The following PTPRD variants were observed in gnomAD, a reference collection of about 807,000 sequenced individuals.
PTPRD encodes the protein protein tyrosine phosphatase receptor type D, also known as receptor-type tyrosine-protein phosphatase delta.
A neutral mutation model predicts 214.5 loss-of-function variants in PTPRD; 34 were observed. That is an observed-to-expected ratio of 0.16 (90% CI 0.12 to 0.21). PTPRD has a LOEUF of 0.21. PTPRD is among the 10% of genes least tolerant of loss of function. The pLI is 1.00. For missense variants in PTPRD, 2,545 were observed against 2,398.7 expected (o/e 1.06, Z -1.27); for synonymous variants, 1,128 against 845.7 (o/e 1.33, Z -5.79).
At chr9:9,597,431 A>C (rs2093435874) in intron 7 of PTPRD, among the ~76,000 whole-genome samples, 2 of 152,208 alleles carry the variant, frequency 1.3e-5, no homozygotes, top group South Asian at 4.1e-4. Flanking sequence ...TCCACAGATA[A>C]GTCATTAAGC....
chr9:9,492,797 C>T lies in PTPRD; in HGVS notation c.-237+81935G>A, dbSNP rs567575607. Among the ~76,000 whole-genome samples, 7 of 151,090 alleles carry T rather than the reference C, an allele frequency of 4.6e-5. No individual in the cohort carries two copies. In the South Asian group the frequency reaches 8.4e-4, roughly 18 times the overall value. On this transcript the variant is annotated intron_variant, in intron 8 of 45. Coordinates refer to ENST00000381196, the MANE Select transcript of PTPRD (RefSeq NM_002839.4). The stretch of plus-strand genomic sequence containing the variant: ...TATAAATGCCATTTTTCCAAAAGCA[C>T]GTGCTCACTTTTTGTTTCTGCATCA...
At chr9:9,396,969 C>T (rs942771425) in intron 9 of PTPRD, among the ~76,000 whole-genome samples, 3 of 152,012 alleles carry the variant, frequency 2.0e-5, no homozygotes, top group Non-Finnish European at 2.9e-5. Context: ...ATCCACTCAT[C>T]TTAGTTTCCA....
chr9:9,557,100 G>T (rs149314014), intron 8 of PTPRD, among the ~76,000 whole-genome samples: 1 of 152,120 alleles, frequency 6.6e-6, no homozygotes, highest in East Asian at 1.9e-4. Context: ...TCAGCAAATT[G>T]TCTGGGTTTC....
chr9:10,612,955 A>ACTCG lies in PTPRD; in HGVS notation c.-979_-976dup, dbSNP rs887007962. ...GGGGAGCCGAGGCGGCCGCTCCCGC[A>ACTCG]CTCGCTCGCTCGCTCGCTGGCGCTC... On this transcript the variant is annotated 5_prime_UTR_variant, in exon 1 of 46. Transcript: ENST00000381196. 9.3e-5 allele frequency among the ~76,000 whole-genome samples: 14 copies of ACTCG among 150,668 alleles called. No homozygotes were observed. The highest frequency in any genetic ancestry group is 2.0e-4 in the East Asian group (1 of 5,064).
At chr9:10,117,056 T>A (rs564413303) in intron 3 of PTPRD, among the ~76,000 whole-genome samples, 1 of 152,156 alleles carries the variant, frequency 6.6e-6, no homozygotes, top group African/African-American at 2.4e-5. Context: ...TTCTTTTACA[T>A]CTACCCGCTC....
chr9:8,414,845 G>A (rs2093783667), intron 35 of PTPRD, among the ~76,000 whole-genome samples: 1 of 147,784 alleles, frequency 6.8e-6, no homozygotes, highest in South Asian at 2.2e-4. Context: ...TACATGTACG[G>A]GGAGGGAAGG....
chr9:9,513,821 T>C (rs1179650410), intron 8 of PTPRD, among the ~76,000 whole-genome samples: 1 of 152,056 alleles, frequency 6.6e-6, no homozygotes, highest in Non-Finnish European at 1.5e-5. Context: ...CTCTTGTTTA[T>C]TAGGAATCAA....
intron 11 of PTPRD, among the ~76,000 whole-genome samples, chr9:8,738,183 T>C (rs1238230979): frequency 3.9e-5 from 6 of 152,188 alleles, no homozygotes; most frequent in African/African-American, 1.4e-4. Context: ...ATGCATGTAA[T>C]ATAATTTGAA....
At chr9:9,060,897 C>G (rs1336380587) in intron 10 of PTPRD, among the ~76,000 whole-genome samples, 1 of 152,064 alleles carries the variant, frequency 6.6e-6, no homozygotes, top group Non-Finnish European at 1.5e-5. Flanking sequence ...ATGATAGAAT[C>G]CTATTCAGCA....
At chr9:9,807,430 T>C (rs549503529) in intron 5 of PTPRD, among the ~76,000 whole-genome samples, 5 of 152,068 alleles carry the variant, frequency 3.3e-5, no homozygotes, top group African/African-American at 1.2e-4. Flanking sequence ...TCAAACAAGA[T>C]GCGATGTTGG....
intron 9 of PTPRD, among the ~76,000 whole-genome samples, chr9:9,386,516 A>C (rs924792684): frequency 6.6e-6 from 1 of 152,174 alleles, no homozygotes; most frequent in Non-Finnish European, 1.5e-5. Flanking sequence ...GGTAATGATT[A>C]AGTCTTCCAA....
intron 5 of PTPRD, among the ~76,000 whole-genome samples, chr9:9,796,038 T>C (rs2099000324): frequency 6.6e-6 from 1 of 152,198 alleles, no homozygotes; most frequent in African/African-American, 2.4e-5. Context: ...AAGATTCTTC[T>C]AAATTTTAAG....
chr9:10,517,575 G>T (rs1005700394), intron 2 of PTPRD, among the ~76,000 whole-genome samples: 1 of 151,910 alleles, frequency 6.6e-6, no homozygotes, highest in Non-Finnish European at 1.5e-5. Context: ...TTTGTCCAAT[G>T]TAATTTTCAG....
At chr9:9,665,861 G>C (rs2096711836) in intron 7 of PTPRD, among the ~76,000 whole-genome samples, 2 of 151,634 alleles carry the variant, frequency 1.3e-5, no homozygotes, top group Non-Finnish European at 3.0e-5. Context: ...GAATTTAATT[G>C]GTAATTTGAT....
At chr9:10,329,732 T>G (rs2096714952) in intron 3 of PTPRD, among the ~76,000 whole-genome samples, 1 of 151,916 alleles carries the variant, frequency 6.6e-6, no homozygotes, top group Non-Finnish European at 1.5e-5. Context: ...ACAACTTTAC[T>G]GACTTACTAC....
chr9:10,406,901 A>G (rs930271631), intron 2 of PTPRD, among the ~76,000 whole-genome samples: 25 of 151,618 alleles, frequency 1.6e-4, no homozygotes, highest in African/African-American at 3.1e-4. Flanking sequence ...AGACAGGAGC[A>G]ATCACCTATT....
intron 9 of PTPRD, among the ~76,000 whole-genome samples, chr9:9,216,100 G>A (rs537812919): frequency 2.0e-5 from 3 of 152,214 alleles, no homozygotes; most frequent in South Asian, 2.1e-4. Flanking sequence ...TGTGACACTG[G>A]TATAGTTACC....
At chr9:9,643,908 T>TTA (rs2096058348) in intron 7 of PTPRD, among the ~76,000 whole-genome samples, 1 of 152,170 alleles carries the variant, frequency 6.6e-6, no homozygotes, top group Admixed American at 6.5e-5. Context: ...CGCTAAAGAA[T>TTA]TATGTCAGTT....
At chr9:8,929,031 T>G (rs1405502776) in intron 11 of PTPRD, among the ~76,000 whole-genome samples, 1 of 152,198 alleles carries the variant, frequency 6.6e-6, no homozygotes, top group Non-Finnish European at 1.5e-5. Flanking sequence ...TTTTTGCATG[T>G]TGATTTTGTA....
Sources: allele counts gnomAD v4.1 joint callset (sites outside exome capture counted in the v4.1 genomes callset), GRCh38; gene constraint gnomAD v4.1.1; transcripts MANE v1.5; gene names NCBI Gene and HGNC (gene_info 2026-07-23, HGNC 2026-07-21).